Variants in CNTNAP4 observed in about 807,000 individuals in gnomAD.
The protein encoded by CNTNAP4 is contactin associated protein family member 4.
In CNTNAP4, 98 loss-of-function variants were observed where a neutral mutation model predicts 148.4. The observed-to-expected ratio is 0.66, with a 90% CI of 0.56 to 0.78. CNTNAP4 has a LOEUF of 0.78. Among genes scored for constraint, CNTNAP4 ranks in the 30% least tolerant of loss-of-function variants. The pLI is 0.00. For synonymous variants in CNTNAP4, 730 were observed against 565.1 expected (o/e 1.29, Z -4.14); for missense variants, 1,935 against 1,565.6 (o/e 1.24, Z -3.98).
intron 13 of CNTNAP4, among the ~76,000 whole-genome samples, chr16:76,494,228 T>C (rs939432527): frequency 6.6e-6 from 1 of 152,142 alleles, no homozygotes; most frequent in Non-Finnish European, 1.5e-5. Context: ...AGCTGAACAT[T>C]TATCGTAGGA....
intron 15 of CNTNAP4, among the ~76,000 whole-genome samples, chr16:76,506,494 T>A (rs8058869): frequency 2.9e-5 from 2 of 67,880 alleles, no homozygotes; most frequent in Non-Finnish European, 8.1e-5. Context: ...TTTTTTTTTT[T>A]TTTTTTGACA....
intron 13 of CNTNAP4, among the ~76,000 whole-genome samples, chr16:76,494,435 G>A (rs2082331231): frequency 1.3e-5 from 2 of 152,016 alleles, no homozygotes; most frequent in African/African-American, 2.4e-5. Context: ...TAACAGCTAG[G>A]ATATTTTTAG....
intron 8 of CNTNAP4, among the ~76,000 whole-genome samples, chr16:76,458,362 G>A (rs777095310): frequency 2.0e-5 from 3 of 152,100 alleles, no homozygotes; most frequent in African/African-American, 7.2e-5. Flanking sequence ...TTGGGGGATG[G>A]TTTCAGGATC....
intron 8 of CNTNAP4, among the ~76,000 whole-genome samples, chr16:76,461,006 G>T (rs77314349): frequency 0.088 from 13,362 of 151,272 alleles, 1,765 homozygotes; most frequent in African/African-American, 0.29. Flanking sequence ...AAGGACGTCT[G>T]CTTTAGTATA....
intron 1 of CNTNAP4, among the ~76,000 whole-genome samples, chr16:76,288,137 A>T (rs1010806737): frequency 2.6e-5 from 4 of 152,028 alleles, no homozygotes; most frequent in African/African-American, 9.7e-5. Context: ...GTTATAGTGA[A>T]TGAGATCTCG....
chr16:76,467,299 T>A, intron 9 of CNTNAP4, 53 bp from the exon 10 acceptor site: 1 of 1,497,756 alleles, frequency 6.7e-7, no homozygotes, highest in Non-Finnish European at 9.2e-7. Context: ...TTATCTATGA[T>A]CCTGAATTCT....
intron 3 of CNTNAP4, among the ~76,000 whole-genome samples, chr16:76,411,396 T>C (rs144780697): frequency 5.3e-5 from 8 of 151,486 alleles, no homozygotes; most frequent in Admixed American, 5.3e-4. Context: ...TGAGGAATAA[T>C]TTACTTTAAA....
intron 1 of CNTNAP4, among the ~76,000 whole-genome samples, chr16:76,311,201 T>G (rs1961067840): frequency 6.6e-6 from 1 of 152,188 alleles, no homozygotes; most frequent in Non-Finnish European, 1.5e-5. Flanking sequence ...ATTAAAGCCA[T>G]TTGTAAAATA....
rs371492749 is a variant in CNTNAP4 at position 76,553,328 on chromosome 16, G to A, written c.3488G>A (p.Gly1163Asp). The A allele has an allele frequency of 1.9e-6, 3 of 1,612,890 alleles. No homozygotes were observed. The highest frequency in any genetic ancestry group is 1.3e-5 in the African/African-American group (1 of 74,904). Residue 1163 changes from glycine to aspartate, a missense_variant, in exon 22 of 24, where the codon GGC (glycine) becomes GAC (aspartate). By Grantham distance (94) the Gly-to-Asp change is moderately conservative. Transcript: ENST00000611870. Reference protein sequence around the residue: ...DQDTALAGAQGFTGCLSAVQL... With the variant: ...DQDTALAGAQDFTGCLSAVQL... Reference sequence around the variant, plus strand: ...GATACTGCACTGGCAGGTGCGCAGGGCTTCACAGGCTGCCTCTCTGCAGTG... The same window carrying A: ...GATACTGCACTGGCAGGTGCGCAGGACTTCACAGGCTGCCTCTCTGCAGTG...
At chr16:76,482,520 C>G (rs949132342) in intron 12 of CNTNAP4, among the ~76,000 whole-genome samples, 6 of 151,306 alleles carry the variant, frequency 4.0e-5, no homozygotes, top group African/African-American at 1.5e-4. Flanking sequence ...GCAACCGCTT[C>G]TTTATACTAA....
intron 14 of CNTNAP4, among the ~76,000 whole-genome samples, chr16:76,498,207 A>G (rs1336024729): frequency 6.6e-6 from 1 of 152,182 alleles, no homozygotes; most frequent in East Asian, 1.9e-4. Flanking sequence ...CCTGGCCAAC[A>G]TGGCAAAACC....
chr16:76,386,107 C>T (rs1229354775), intron 3 of CNTNAP4, among the ~76,000 whole-genome samples: 4 of 152,148 alleles, frequency 2.6e-5, no homozygotes, highest in Non-Finnish European at 4.4e-5. Flanking sequence ...TGGGCACATT[C>T]ACAAATGACC....
chr16:76,371,533 C>T lies in CNTNAP4; in HGVS notation c.390+16022C>T, dbSNP rs573071305. 3.3e-5 allele frequency among the ~76,000 whole-genome samples: 5 copies of T among 152,264 alleles called. No homozygotes were observed. In the East Asian group the frequency reaches 5.8e-4, roughly 18 times the overall value. On this transcript the variant is annotated intron_variant, in intron 3 of 23. Coordinates refer to ENST00000611870, the MANE Select transcript of CNTNAP4 (RefSeq NM_033401.5). ...CTCCTGACCTGAGGTGATCTGCCCACGTCAGCCTCCCAAAATGCTGGGATT... is the reference window on the plus strand; with the variant it reads ...CTCCTGACCTGAGGTGATCTGCCCATGTCAGCCTCCCAAAATGCTGGGATT...
At chr16:76,337,933 C>T (rs1298382422) in intron 2 of CNTNAP4, among the ~76,000 whole-genome samples, 1 of 152,140 alleles carries the variant, frequency 6.6e-6, no homozygotes, top group Non-Finnish European at 1.5e-5. Flanking sequence ...TCCCTTGTTC[C>T]CTGAAGATCG....
intron 21 of CNTNAP4, among the ~76,000 whole-genome samples, chr16:76,545,019 T>C (rs2084648019): frequency 6.6e-6 from 1 of 152,196 alleles, no homozygotes; most frequent in South Asian, 2.1e-4. Flanking sequence ...GTGACCTAGG[T>C]AAATTAAGGG....
chr16:76,529,257 T>C (rs2083870915), intron 17 of CNTNAP4, among the ~76,000 whole-genome samples: 1 of 152,200 alleles, frequency 6.6e-6, no homozygotes, highest in Non-Finnish European at 1.5e-5. Context: ...TGTGTGTGTG[T>C]GTGTGATTTA....
At chr16:76,437,024 T>G (rs2079857628) in intron 4 of CNTNAP4, among the ~76,000 whole-genome samples, 1 of 149,108 alleles carries the variant, frequency 6.7e-6, no homozygotes, top group Non-Finnish European at 1.5e-5. Context: ...TTAATTCACA[T>G]GATCACAAGG....
At chr16:76,500,034 G>T (rs550982095) in intron 15 of CNTNAP4, among the ~76,000 whole-genome samples, 1 of 152,042 alleles carries the variant, frequency 6.6e-6, no homozygotes, top group African/African-American at 2.4e-5. Context: ...CGACAAAACC[G>T]CCATCGTCAT....
intron 8 of CNTNAP4, among the ~76,000 whole-genome samples, chr16:76,456,185 C>G (rs970915969): frequency 5.3e-5 from 8 of 152,088 alleles, no homozygotes; most frequent in African/African-American, 1.9e-4. Flanking sequence ...GAATTTATTG[C>G]TTATTGCAAC....
Sources: gnomAD v4.1 joint callset for allele counts (sites outside exome capture counted in the v4.1 genomes callset) on GRCh38, gnomAD v4.1.1 for gene constraint, MANE v1.5 for transcripts, NCBI Gene and HGNC (gene_info 2026-07-23, HGNC 2026-07-21) for gene names.